The following DLGAP2 variants were observed in gnomAD, a reference collection of about 807,000 sequenced individuals.
DLGAP2 encodes disks large-associated protein 2.
A neutral mutation model predicts 100.3 loss-of-function variants in DLGAP2; 26 were observed. That is an observed-to-expected ratio of 0.26 (90% CI 0.19 to 0.36). DLGAP2 has a LOEUF of 0.36. Among genes scored for constraint, DLGAP2 ranks in the 10% least tolerant of loss-of-function variants. The probability of loss-of-function intolerance (pLI) is 1.00; values close to 1 mark genes in which losing one functional copy is unlikely to be tolerated. For synonymous variants in DLGAP2, 886 were observed against 630.1 expected, an observed-to-expected ratio of 1.41 and a Z score of -6.08; for missense variants, 1,858 against 1,453.2, an observed-to-expected ratio of 1.28 and a Z score of -4.53.
At chr8:1,200,294 C>T (rs575518956) in intron 2 of DLGAP2, among the ~76,000 whole-genome samples, 9 of 152,316 alleles carry the variant, frequency 5.9e-5, no homozygotes, top group East Asian at 3.9e-4. Context: ...CCTCTTGCTC[C>T]GGGGTCCTGC....
intron 3 of DLGAP2, among the ~76,000 whole-genome samples, chr8:1,432,388 G>C (rs1483931108): frequency 6.6e-6 from 1 of 152,166 alleles, no homozygotes; most frequent in Admixed American, 6.5e-5. Context: ...CCACTTAACT[G>C]AAAGAAGTTA....
chr8:1,110,387 A>G (rs1300400022), intron 2 of DLGAP2, among the ~76,000 whole-genome samples: 1 of 99,648 alleles, frequency 1.0e-5, no homozygotes, highest in Admixed American at 1.1e-4. Context: ...CTTATGGAGT[A>G]TGCTGGATCT....
At chr8:1,343,232 G>A (rs530349471) in intron 3 of DLGAP2, among the ~76,000 whole-genome samples, 10 of 152,308 alleles carry the variant, frequency 6.6e-5, no homozygotes, top group Admixed American at 3.9e-4. Context: ...GATTAAGTCC[G>A]CCACGGTGAG....
chr8:1,044,079 C>G (rs1163925282), intron 2 of DLGAP2, among the ~76,000 whole-genome samples: 1 of 152,076 alleles, frequency 6.6e-6, no homozygotes, highest in Non-Finnish European at 1.5e-5. Context: ...TATGGCTCAC[C>G]GGTCCCACTC....
At chr8:1,355,916 C>T (rs1381266696) in intron 3 of DLGAP2, among the ~76,000 whole-genome samples, 2 of 152,224 alleles carry the variant, frequency 1.3e-5, no homozygotes, top group Non-Finnish European at 2.9e-5. Context: ...AAATTAAGCA[C>T]ATTCCATGCA....
At chr8:1,688,800 A>ATGAG (rs906337988) in intron 12 of DLGAP2, among the ~76,000 whole-genome samples, 2 of 152,334 alleles carry the variant, frequency 1.3e-5, no homozygotes, top group African/African-American at 4.8e-5. Context: ...GTTCTAAAAA[A>ATGAG]TGAGGGAGGC....
rs112397408 is a variant in DLGAP2, at chr8:1,561,237, A to G, written c.1231-4446A>G. ...AGCCACGTGGAACTGAGTCAGTTAA[A>G]CCTCTTTCCTTTATAAATTGCCCAG... On this transcript the variant is annotated intron_variant, in intron 5 of 14. Coordinates refer to ENST00000637795, the MANE Select transcript of DLGAP2 (RefSeq NM_001346810.2). Among the ~76,000 whole-genome samples, 23 of 130,180 alleles carry G rather than the reference A, an allele frequency of 1.8e-4. 1 individual carries two copies. The highest frequency in any genetic ancestry group is 6.0e-4 in the African/African-American group (23 of 38,334). 85.4% of individuals were successfully genotyped at this position (130,180 alleles called of 152,430 possible).
intron 2 of DLGAP2, among the ~76,000 whole-genome samples, chr8:1,159,279 C>T (rs1406456746): frequency 1.3e-5 from 2 of 152,184 alleles, no homozygotes; most frequent in Non-Finnish European, 2.9e-5. Flanking sequence ...TCTCAAGAGT[C>T]TCCTGTTGTT....
intron 2 of DLGAP2, among the ~76,000 whole-genome samples, chr8:1,174,382 T>TACCACCATCATCATTACCATC (rs1327043302): frequency 6.6e-6 from 1 of 151,080 alleles, no homozygotes; most frequent in Non-Finnish European, 1.5e-5. Flanking sequence ...TCATTACCAT[T>TACCACCATCATCATTACCATC]ACCACCATCA....
At chr8:739,917 C>A (rs1820439471) in intron 1 of DLGAP2, 1 of 152,234 alleles carries the variant, frequency 6.6e-6, no homozygotes, top group African/African-American at 2.4e-5. Context: ...CCGGCCCTGT[C>A]CTCGGTTCTG....
chr8:906,361 C>G (rs1299947413), intron 1 of DLGAP2, among the ~76,000 whole-genome samples: 1 of 152,214 alleles, frequency 6.6e-6, no homozygotes, highest in African/African-American at 2.4e-5. Flanking sequence ...GTAGCCTTTT[C>G]AGACCTGGTG....
intron 6 of DLGAP2, among the ~76,000 whole-genome samples, chr8:1,567,193 C>T (rs1802438484): frequency 6.6e-6 from 1 of 152,186 alleles, no homozygotes; most frequent in Non-Finnish European, 1.5e-5. Flanking sequence ...GTTGTCTGAC[C>T]CATCTGCTCC....
At chr8:1,011,262 G>A (rs1278333433) in intron 2 of DLGAP2, among the ~76,000 whole-genome samples, 1 of 150,464 alleles carries the variant, frequency 6.6e-6, no homozygotes, top group African/African-American at 2.5e-5. Flanking sequence ...CCTAGAATGA[G>A]GAGTCTCAGT....
intron 4 of DLGAP2, among the ~76,000 whole-genome samples, chr8:1,532,055 G>A (rs1050057868): frequency 6.6e-6 from 1 of 152,214 alleles, no homozygotes; most frequent in Non-Finnish European, 1.5e-5. Flanking sequence ...GAGACACATG[G>A]TTGCATTCTT....
intron 2 of DLGAP2, among the ~76,000 whole-genome samples, chr8:1,076,823 C>A (rs998548703): frequency 6.7e-6 from 1 of 149,386 alleles, no homozygotes; most frequent in African/African-American, 2.5e-5. Context: ...GTCCCAGGCC[C>A]CCCCCCAAGA....
intron 3 of DLGAP2, among the ~76,000 whole-genome samples, chr8:1,465,124 G>C (rs1369879805): frequency 6.6e-6 from 1 of 152,220 alleles, no homozygotes; most frequent in Non-Finnish European, 1.5e-5. Context: ...GTCCCACAGG[G>C]GGAGGGCTGG....
At chr8:1,264,088 A>G (rs933325757) in intron 3 of DLGAP2, among the ~76,000 whole-genome samples, 1 of 152,198 alleles carries the variant, frequency 6.6e-6, no homozygotes. Flanking sequence ...CCCCTGTCCC[A>G]TGCCCACTAA....
chr8:948,080 C>T (rs1799377357), intron 2 of DLGAP2, among the ~76,000 whole-genome samples: 1 of 152,092 alleles, frequency 6.6e-6, no homozygotes, highest in Non-Finnish European at 1.5e-5. Context: ...TTCCCCGACC[C>T]CATGCCAGCC....
intron 3 of DLGAP2, chr8:1,373,595 AC>A (rs1453332238): frequency 6.6e-6 from 1 of 152,250 alleles, no homozygotes; most frequent in Non-Finnish European, 1.5e-5. Flanking sequence ...TGAGGTGGCC[AC>A]AGCGGCGCTT....
Sources: gnomAD v4.1 joint callset for allele counts (sites outside exome capture counted in the v4.1 genomes callset) on GRCh38, gnomAD v4.1.1 for gene constraint, MANE v1.5 for transcripts, NCBI Gene and HGNC (gene_info 2026-07-23, HGNC 2026-07-21) for gene names.